The following VIPR2 variants were observed in gnomAD, a reference collection of about 807,000 sequenced individuals.
VIPR2 encodes the protein vasoactive intestinal peptide receptor 2.
VIPR2 carries 48 observed loss-of-function variants against 58.0 expected under a neutral mutation model. The observed-to-expected ratio is 0.83, with a 90% CI of 0.66 to 1.05. The LOEUF (loss-of-function observed/expected upper bound fraction) is 1.05. VIPR2 is among the 50% of genes least tolerant of loss of function. VIPR2 has a pLI of 0.00. For missense variants in VIPR2, 534 were observed against 558.0 expected, an observed-to-expected ratio of 0.96 and a Z score of 0.43; for synonymous variants, 243 against 235.2, an observed-to-expected ratio of 1.03 and a Z score of -0.30.
intron 4 of VIPR2, among the ~76,000 whole-genome samples, chr7:159,078,721 G>A (rs201567295): frequency 6.6e-6 from 1 of 152,228 alleles, no homozygotes; most frequent in Non-Finnish European, 1.5e-5. Context: ...GGAGGAGCAC[G>A]TTGTTGCATC....
chr7:159,074,999 A>G (rs1856567568), intron 4 of VIPR2, among the ~76,000 whole-genome samples: 1 of 152,220 alleles, frequency 6.6e-6, no homozygotes, highest in African/African-American at 2.4e-5. Context: ...AACTCAATGA[A>G]TACCTTATTT....
intron 6 of VIPR2, among the ~76,000 whole-genome samples, chr7:159,039,804 GT>G (rs1419818694): frequency 1.1e-4 from 17 of 152,228 alleles, no homozygotes; most frequent in Non-Finnish European, 2.5e-4. Flanking sequence ...TCACTGGCGA[GT>G]TCCACCTGAC....
At position 159,088,613 on chromosome 7, in the gene VIPR2, G is replaced by A. The variant is rs114696676; in HGVS notation, c.357+15144C>T. 1.7e-3 allele frequency among the ~76,000 whole-genome samples: 260 copies of A among 152,352 alleles called. 1 individual carries two copies. Among genetic ancestry groups the A allele is most frequent in the African/African-American group, 5.9e-3 (244 of 41,598 alleles). On this transcript the variant is annotated intron_variant, in intron 4 of 12. Coordinates refer to ENST00000262178, the MANE Select transcript of VIPR2 (RefSeq NM_003382.5). The stretch of plus-strand genomic sequence containing the variant: ...CACATCACAGCGAGCAAGTGCACAG[G>A]ACAGTGTCTCACAAGTTGGACTAAG...
chr7:159,144,371 C>T (rs1213159946), intron 1 of VIPR2: 4 of 1,542,882 alleles, frequency 2.6e-6, no homozygotes, highest in Non-Finnish European at 3.5e-6. Context: ...AACGCGCAGC[C>T]CGCGCAGGCG....
At chr7:159,123,226 G>A (rs1294166754) in intron 2 of VIPR2, among the ~76,000 whole-genome samples, 1 of 141,720 alleles carries the variant, frequency 7.1e-6, no homozygotes, top group Non-Finnish European at 1.5e-5. Flanking sequence ...CCAGGAGGCA[G>A]AGGTTGCAGT....
Position 159,030,586 on chromosome 7 carries a change from T to C in VIPR2, c.*30A>G. 1 of 1,503,226 alleles carries C rather than the reference T, an allele frequency of 6.7e-7. No homozygotes were observed. 93.1% of individuals were successfully genotyped at this position (1,503,226 alleles called of 1,614,324 possible). A position where few individuals can be genotyped will look rare whatever the true frequency, so the allele number is the denominator to read the frequency against. ...CCGCAGAAGCCCCGAACCGTGGGCC[T>C]CCCGCCGCGTCCGACAGGCAGGGGT... On this transcript the variant is annotated 3_prime_UTR_variant, in exon 13 of 13. Coordinates refer to ENST00000262178, the MANE Select transcript of VIPR2 (RefSeq NM_003382.5).
At chr7:159,094,661 TAA>T (rs1425836938) in intron 4 of VIPR2, among the ~76,000 whole-genome samples, 2 of 152,224 alleles carry the variant, frequency 1.3e-5, no homozygotes, top group Non-Finnish European at 2.9e-5. Flanking sequence ...GGTGACGTTT[TAA>T]AGACGAAGAT....
intron 2 of VIPR2, among the ~76,000 whole-genome samples, chr7:159,118,182 G>A (rs1796315756): frequency 6.6e-6 from 1 of 152,184 alleles, no homozygotes; most frequent in African/African-American, 2.4e-5. Context: ...CACTCCTTCC[G>A]AAGGTGGGTG....
In VIPR2 at chr7:159,030,736, C is replaced by T; in HGVS notation, c.1197G>A (p.Ala399=). 1.3e-6 allele frequency: 2 copies of T among 1,592,326 alleles called. No individual in the cohort carries two copies. Among genetic ancestry groups the T allele is most frequent in the African/African-American group, 1.3e-5 (1 of 74,388 alleles). The change falls in exon 13 of 13, where the codon GCG becomes GCA. Residue 399 remains alanine, a synonymous_variant. Coordinates refer to ENST00000262178, the MANE Select transcript of VIPR2 (RefSeq NM_003382.5). Reference sequence around the variant, plus strand: ...AACCGCAGACCCTGTAATCCCGGCTCGCGGACGGGGTCGGGCACCGGCTTC... The same window carrying T: ...AACCGCAGACCCTGTAATCCCGGCTTGCGGACGGGGTCGGGCACCGGCTTC... The part of the protein sequence containing the change: ...KWRSRCPTPS[A]SRDYRVCGSS...
chr7:159,137,168 G>C (rs1209930483), intron 2 of VIPR2, among the ~76,000 whole-genome samples: 1 of 152,126 alleles, frequency 6.6e-6, no homozygotes. Flanking sequence ...ATGGCTTCCT[G>C]TGACCCACTG....
At chr7:159,059,181 G>A in intron 4 of VIPR2, 1 of 467,596 alleles carries the variant, frequency 2.1e-6, no homozygotes, top group Non-Finnish European at 4.4e-6. Context: ...CATCATGGTG[G>A]CAGAATCACA....
chr7:159,133,339 G>T (rs1275961908), intron 2 of VIPR2, among the ~76,000 whole-genome samples: 4 of 152,310 alleles, frequency 2.6e-5, no homozygotes, highest in African/African-American at 9.6e-5. Flanking sequence ...AGGCAACTAT[G>T]CCCACAGCTC....
chr7:159,129,979 C>T lies in VIPR2; in HGVS notation c.151+12467G>A, dbSNP rs112912830. Among the ~76,000 whole-genome samples, 176 of 89,052 alleles carry T rather than the reference C, an allele frequency of 2.0e-3. 24 individuals carry two copies. The highest frequency in any genetic ancestry group is 6.8e-3 in the African/African-American group (98 of 14,310). 58.4% of individuals were successfully genotyped at this position (89,052 alleles called of 152,430 possible). On this transcript the variant is annotated intron_variant, in intron 2 of 12. Coordinates refer to ENST00000262178, the MANE Select transcript of VIPR2 (RefSeq NM_003382.5). Reference sequence around the variant, plus strand: ...AAACTGGCCTCTGGCGGGGACAGGGCCAGGTGACCAGTTTCACACTCTGTT... The same window carrying T: ...AAACTGGCCTCTGGCGGGGACAGGGTCAGGTGACCAGTTTCACACTCTGTT...
intron 2 of VIPR2, among the ~76,000 whole-genome samples, chr7:159,131,657 T>G (rs1483891878): frequency 6.6e-6 from 1 of 152,238 alleles, no homozygotes; most frequent in Non-Finnish European, 1.5e-5. Context: ...TGACTCACAT[T>G]TTTTCTGAAT....
intron 2 of VIPR2, among the ~76,000 whole-genome samples, chr7:159,131,819 C>T (rs1315006882): frequency 6.6e-6 from 1 of 152,218 alleles, no homozygotes; most frequent in Non-Finnish European, 1.5e-5. Flanking sequence ...CACAACCAGT[C>T]AGGTCTCAAA....
chr7:159,064,076 C>T (rs953167803), intron 4 of VIPR2, among the ~76,000 whole-genome samples: 2 of 151,690 alleles, frequency 1.3e-5, no homozygotes, highest in Non-Finnish European at 2.9e-5. Context: ...GGGCGTTCAC[C>T]AAGAAATTCA....
chr7:159,051,311 T>C (rs1038849506), intron 5 of VIPR2, among the ~76,000 whole-genome samples: 1 of 152,204 alleles, frequency 6.6e-6, no homozygotes, highest in African/African-American at 2.4e-5. Flanking sequence ...TGCAAAACTC[T>C]TGAATTGACT....
At position 159,031,712 on chromosome 7, in the gene VIPR2, C is replaced by T. The variant is rs1853596780; in HGVS notation, c.1143+116G>A. On this transcript the variant is annotated intron_variant, in intron 12 of 12. Transcript: ENST00000262178. This position sits in a 1 kb window ranked among gnomAD's most constrained non-coding sequence, Gnocchi z 4.0. Reference sequence around the variant, plus strand: ...GGACACAGAACTGTGGGGTCCCGGGCAGTAACTCGAGCCCGCGGAAGACAG... The same window carrying T: ...GGACACAGAACTGTGGGGTCCCGGGTAGTAACTCGAGCCCGCGGAAGACAG... 1.3e-6 allele frequency: 2 copies of T among 1,575,506 alleles called. No individual in the cohort carries two copies. The highest frequency in any genetic ancestry group is 1.7e-5 in the Admixed American group (1 of 57,260).
chr7:159,097,036 C>T lies in VIPR2; in HGVS notation c.357+6721G>A. 2 of 1,549,536 alleles carry T rather than the reference C, an allele frequency of 1.3e-6. No homozygotes were observed. The highest frequency in any genetic ancestry group is 2.0e-5 in the Admixed American group (1 of 50,962). On this transcript the variant is annotated intron_variant, in intron 4 of 12. Coordinates refer to ENST00000262178, the MANE Select transcript of VIPR2 (RefSeq NM_003382.5). The surrounding 1 kb of genome is among the most constrained non-coding windows in gnomAD (Gnocchi z 5.3). ...CAGAGGTGATTTGGGGCAGGCCGCT[C>T]TGGGGGTCTCTGGCAGGCTCCTCCT...
Sources: allele counts gnomAD v4.1 joint callset (sites outside exome capture counted in the v4.1 genomes callset), GRCh38; gene constraint gnomAD v4.1.1; non-coding constraint Gnocchi (gnomAD v3.1); transcripts MANE v1.5; gene names NCBI Gene and HGNC (gene_info 2026-07-23, HGNC 2026-07-21).